DPP4: variants seen among roughly 807,000 people sequenced by gnomAD.
DPP4 encodes the protein ADCP-2.
In DPP4, 93 loss-of-function variants were observed where a neutral mutation model predicts 122.4. That is an observed-to-expected ratio of 0.76 (90% confidence interval 0.64 to 0.90). The LOEUF (loss-of-function observed/expected upper bound fraction) is 0.90. DPP4 is among the 40% of genes least tolerant of loss of function. The probability of loss-of-function intolerance (pLI) is 0.00; values close to 1 mark genes in which losing one functional copy is unlikely to be tolerated. For missense variants in DPP4, 914 were observed against 907.3 expected, an observed-to-expected ratio of 1.01 and a Z score of -0.09; for synonymous variants, 321 against 302.9, an observed-to-expected ratio of 1.06 and a Z score of -0.62.
intron 10 of DPP4, among the ~76,000 whole-genome samples, chr2:162,029,480 G>A (rs1576050330): frequency 6.6e-6 from 1 of 152,212 alleles, no homozygotes; most frequent in African/African-American, 2.4e-5. Flanking sequence ...AGGAATGGGT[G>A]GGATGAGATG....
intron 12 of DPP4, among the ~76,000 whole-genome samples, chr2:162,021,046 T>C (rs112372956): frequency 3.5e-4 from 53 of 152,322 alleles, no homozygotes; most frequent in African/African-American, 1.2e-3. Context: ...TTTGGAGCAG[T>C]AAATTTCCTC....
chr2:162,069,489 A>G (rs1204449263), intron 2 of DPP4, among the ~76,000 whole-genome samples: 1 of 152,162 alleles, frequency 6.6e-6, no homozygotes, highest in East Asian at 1.9e-4. Context: ...ATCCCCTTTG[A>G]GAAGAGAGGC....
At chr2:162,056,953 C>T (rs891008915) in intron 2 of DPP4, among the ~76,000 whole-genome samples, 1 of 152,170 alleles carries the variant, frequency 6.6e-6, no homozygotes, top group African/African-American at 2.4e-5. Context: ...ACCTGTGACT[C>T]ATACCAAGGA....
At chr2:162,036,419 C>A (rs538665537) in intron 8 of DPP4, among the ~76,000 whole-genome samples, 2 of 152,234 alleles carry the variant, frequency 1.3e-5, no homozygotes, top group East Asian at 3.9e-4. Flanking sequence ...TATTGATAAG[C>A]AATTGACATC....
intron 2 of DPP4, among the ~76,000 whole-genome samples, chr2:162,054,010 G>T (rs1684476429): frequency 6.6e-6 from 1 of 152,122 alleles, no homozygotes; most frequent in Non-Finnish European, 1.5e-5. Flanking sequence ...CATGGGCCGT[G>T]CCCAGCAAAG....
intron 2 of DPP4, among the ~76,000 whole-genome samples, chr2:162,056,825 A>T (rs1310261729): frequency 6.6e-6 from 1 of 152,178 alleles, no homozygotes; most frequent in Non-Finnish European, 1.5e-5. Flanking sequence ...AAGATTTGTA[A>T]CTTCTCCAAT....
chr2:162,052,218 T>C lies in DPP4; in HGVS notation c.95-4717A>G, dbSNP rs1004653074. Reference sequence around the variant, plus strand: ...CTGCAATCCCAGCTACTCAGGAGGCTGAGGCAGGAAAATTGCTTGAACCCA... The same window carrying C: ...CTGCAATCCCAGCTACTCAGGAGGCCGAGGCAGGAAAATTGCTTGAACCCA... On this transcript the variant is annotated intron_variant, in intron 2 of 25. Coordinates refer to ENST00000360534, the MANE Select transcript of DPP4 (RefSeq NM_001935.4). 8.7e-5 allele frequency among the ~76,000 whole-genome samples: 13 copies of C among 149,830 alleles called. No individual in the cohort carries two copies. The East Asian group carries it at 9.9e-4, about 11-fold the overall frequency.
chr2:162,047,399 T>C lies in DPP4; in HGVS notation c.193+4A>G. 1 of 1,517,966 alleles carries C rather than the reference T, an allele frequency of 6.6e-7. No homozygotes were observed. Among genetic ancestry groups the C allele is most frequent in the Non-Finnish European group, 9.0e-7 (1 of 1,116,936 alleles). 94.0% of individuals were successfully genotyped at this position (1,517,966 alleles called of 1,614,324 possible). On this transcript the variant is annotated splice_donor_region_variant and intron_variant, in intron 3 of 25. Coordinates refer to ENST00000360534, the MANE Select transcript of DPP4 (RefSeq NM_001935.4). ...AAATCTGCCCTACCCCAAAAAATTC[T>C]TACCTGAAATCCATCTTAAGGAGTA...
intron 2 of DPP4, among the ~76,000 whole-genome samples, chr2:162,071,809 A>C (rs1270147877): frequency 2.0e-5 from 3 of 152,178 alleles, no homozygotes; most frequent in Admixed American, 6.5e-5. Context: ...TACCCAGCAA[A>C]ACAAAATTCT....
chr2:162,001,559 A>C (rs1490998587), intron 23 of DPP4, among the ~76,000 whole-genome samples: 1 of 152,180 alleles, frequency 6.6e-6, no homozygotes, highest in Non-Finnish European at 1.5e-5. Context: ...TAAACTTCCG[A>C]ATGATTAAAA....
At chr2:162,008,878 A>G (rs899173275) in intron 21 of DPP4, among the ~76,000 whole-genome samples, 2 of 152,108 alleles carry the variant, frequency 1.3e-5, no homozygotes, top group African/African-American at 4.8e-5. Context: ...TATGGGGAAA[A>G]CTACGGAAAA....
At chr2:162,032,714 A>C (rs955095121) in intron 10 of DPP4, among the ~76,000 whole-genome samples, 2 of 151,542 alleles carry the variant, frequency 1.3e-5, no homozygotes, top group African/African-American at 4.9e-5. Flanking sequence ...AACAACAAAA[A>C]AAAAAACAGC....
intron 18 of DPP4, 146 bp downstream of exon 18, chr2:162,016,622 T>C: frequency 1.9e-6 from 1 of 533,352 alleles, no homozygotes; most frequent in Non-Finnish European, 3.2e-6. Flanking sequence ...AATTAGTATT[T>C]CTTGTGACAA....
chr2:162,068,693 T>A (rs1355858252), intron 2 of DPP4, among the ~76,000 whole-genome samples: 1 of 152,124 alleles, frequency 6.6e-6, no homozygotes, highest in Non-Finnish European at 1.5e-5. Context: ...TAAGTATAAT[T>A]TAGTGCAAGT....
At chr2:162,000,482 C>A (rs1231463038) in intron 23 of DPP4, among the ~76,000 whole-genome samples, 2 of 152,130 alleles carry the variant, frequency 1.3e-5, no homozygotes, top group African/African-American at 2.4e-5. Context: ...CAGCACTCAA[C>A]AAACAAGTTA....
At chr2:162,017,469 A>C (rs1460568314) in intron 16 of DPP4, 1 of 266,968 alleles carries the variant, frequency 3.7e-6, no homozygotes, top group Non-Finnish European at 7.0e-6. Flanking sequence ...TCTGCAAAGT[A>C]AAATGTGAGC....
intron 2 of DPP4, among the ~76,000 whole-genome samples, chr2:162,069,210 AG>A (rs1262054709): frequency 3.3e-5 from 5 of 152,206 alleles, no homozygotes; most frequent in Non-Finnish European, 7.3e-5. Flanking sequence ...TCTTTCAAAG[AG>A]TTGTTCTAAG....
At chr2:162,042,022 G>T (rs1229492367) in intron 5 of DPP4, among the ~76,000 whole-genome samples, 1 of 152,194 alleles carries the variant, frequency 6.6e-6, no homozygotes, top group Non-Finnish European at 1.5e-5. Flanking sequence ...TGATTCTTTG[G>T]CTGAGGTTAG....
chr2:162,016,628 G>T, intron 18 of DPP4, 140 bp downstream of exon 18: 1 of 541,904 alleles, frequency 1.8e-6, no homozygotes, highest in Non-Finnish European at 3.1e-6. Context: ...TATTTCTTGT[G>T]ACAAAACATT....
Sources: allele counts gnomAD v4.1 joint callset (sites outside exome capture counted in the v4.1 genomes callset), GRCh38; gene constraint gnomAD v4.1.1; transcripts MANE v1.5; gene names NCBI Gene and HGNC (gene_info 2026-07-23, HGNC 2026-07-21).